Variants in DNAJC3 observed in about 807,000 individuals in gnomAD.
DNAJC3 encodes the protein DnaJ heat shock protein family (Hsp40) member C3, also known as dnaJ homolog subfamily C member 3.
Under a neutral mutation model 68.6 loss-of-function variants are expected in DNAJC3, and 38 were observed. The ratio of observed to expected loss-of-function variants is 0.55; its 90% confidence interval spans 0.43 to 0.73. The LOEUF (loss-of-function observed/expected upper bound fraction) is 0.73. Ranked by LOEUF, DNAJC3 falls within the 30% of genes least tolerant of loss-of-function variation. The probability of loss-of-function intolerance (pLI) is 0.00; values close to 1 mark genes in which losing one functional copy is unlikely to be tolerated. For missense variants in DNAJC3, 526 were observed against 591.9 expected (o/e 0.89, Z 1.16); for synonymous variants, 203 against 204.0 (o/e 1.00, Z 0.04).
At chr13:95,769,977 A>T (rs1394866749) in intron 9 of DNAJC3, among the ~76,000 whole-genome samples, 1 of 152,212 alleles carries the variant, frequency 6.6e-6, no homozygotes, top group East Asian at 1.9e-4. Flanking sequence ...CAGATTTCCA[A>T]ATTATGAAAA....
At chr13:95,707,158 A>G (rs1322767033) in intron 1 of DNAJC3, among the ~76,000 whole-genome samples, 4 of 152,106 alleles carry the variant, frequency 2.6e-5, no homozygotes, top group Non-Finnish European at 5.9e-5. Flanking sequence ...GCAATTGATG[A>G]TAGGGTTTGT....
chr13:95,694,865 C>T (rs1054046618), intron 1 of DNAJC3: 4 of 152,586 alleles, frequency 2.6e-5, no homozygotes, highest in African/African-American at 9.7e-5. Context: ...TGCACGTTGG[C>T]CAAGGTTTAT....
At chr13:95,712,624 C>A (rs1195016515) in intron 2 of DNAJC3, among the ~76,000 whole-genome samples, 1 of 152,012 alleles carries the variant, frequency 6.6e-6, no homozygotes, top group African/African-American at 2.4e-5. Context: ...GTCATCCACC[C>A]GCCTCCCAAA....
At chr13:95,706,682 AACT>A (rs1383288586) in intron 1 of DNAJC3, among the ~76,000 whole-genome samples, 1 of 152,106 alleles carries the variant, frequency 6.6e-6, no homozygotes, top group Non-Finnish European at 1.5e-5. Flanking sequence ...AAGGGGGGAA[AACT>A]ACTTCTGGTA....
intron 4 of DNAJC3, among the ~76,000 whole-genome samples, chr13:95,749,957 G>C (rs995628291): frequency 1.3e-5 from 2 of 152,124 alleles, no homozygotes; most frequent in Non-Finnish European, 2.9e-5. Flanking sequence ...GGCTGAGGCA[G>C]GAGAATTGCT....
intron 9 of DNAJC3, among the ~76,000 whole-genome samples, chr13:95,779,280 T>C (rs552203985): frequency 5.5e-4 from 84 of 151,974 alleles, no homozygotes; most frequent in Middle Eastern, 3.4e-3. Context: ...CCCGCCACCA[T>C]ACCCGGCTAA....
At chr13:95,679,199 C>CTTT (rs3086610) in intron 1 of DNAJC3, among the ~76,000 whole-genome samples, 7,764 of 108,300 alleles carry the variant, frequency 0.072, 515 homozygotes, top group African/African-American at 0.12. Context: ...AAAATCAGCA[C>CTTT]TTTTTTTTTT....
chr13:95,760,045 T>C lies in DNAJC3; in HGVS notation c.552T>C (p.Cys184=), dbSNP rs752188818. The change falls in exon 6 of 12, where the codon TGT becomes TGC. Residue 184 remains cysteine, a synonymous_variant. Coordinates refer to ENST00000602402, the MANE Select transcript of DNAJC3 (RefSeq NM_006260.5). ...IAFLDKILEV[C]VWDAELRELR... ...TAGTTCTTTTGTTCCTCAAGGTTTG[T>C]GTTTGGGATGCAGAACTACGGGAAC... The C allele has an allele frequency of 6.3e-7, 1 of 1,596,160 alleles. No individual in the cohort carries two copies. Among genetic ancestry groups the C allele is most frequent in the South Asian group, 1.1e-5 (1 of 88,480 alleles).
intron 1 of DNAJC3, among the ~76,000 whole-genome samples, chr13:95,683,061 G>C (rs923998271): frequency 6.6e-6 from 1 of 152,176 alleles, no homozygotes; most frequent in Non-Finnish European, 1.5e-5. Flanking sequence ...TATATAGAGA[G>C]AGTGATATTG....
intron 2 of DNAJC3, among the ~76,000 whole-genome samples, chr13:95,715,102 T>A (rs1339695787): frequency 6.6e-6 from 1 of 152,206 alleles, no homozygotes; most frequent in African/African-American, 2.4e-5. Flanking sequence ...TGAATCTGAA[T>A]AACAGGCAGT....
chr13:95,790,940 C>A lies in DNAJC3; in HGVS notation c.1425C>A (p.Gly475=), dbSNP rs3087338. The A allele has an allele frequency of 3.4e-4, 555 of 1,609,982 alleles. No individual in the cohort carries two copies. Among genetic ancestry groups the A allele is most frequent in the Admixed American group, 4.3e-4 (25 of 58,712 alleles). ...LDAESQQGGG[G]NPFHRSWNSW... ...CAGAGAGCCAGCAAGGAGGCGGCGGCAACCCTTTCCACAGAAGCTGGAACT... is the reference window on the plus strand; with the variant it reads ...CAGAGAGCCAGCAAGGAGGCGGCGGAAACCCTTTCCACAGAAGCTGGAACT... The change falls in exon 12 of 12, where the codon GGC becomes GGA. Residue 475 remains glycine (G), a synonymous_variant. Coordinates refer to ENST00000602402, the MANE Select transcript of DNAJC3 (RefSeq NM_006260.5).
chr13:95,679,385 A>G (rs755125091), intron 1 of DNAJC3, among the ~76,000 whole-genome samples: 28 of 152,126 alleles, frequency 1.8e-4, no homozygotes, highest in Non-Finnish European at 2.8e-4. Context: ...TTGCGTTTCT[A>G]GAAAGACCCT....
chr13:95,749,384 A>G (rs1371647802), intron 4 of DNAJC3, among the ~76,000 whole-genome samples: 1 of 152,302 alleles, frequency 6.6e-6, no homozygotes, highest in East Asian at 1.9e-4. Flanking sequence ...AGAGATTCAA[A>G]TGTGTTTTCT....
Position 95,794,714 on chromosome 13 carries a change from A to AC in DNAJC3, c.*3685dup, listed in dbSNP as rs1883908934. ...TGTGTATAGTAACCGGTTTTGTTGC[A>AC]CTTGTCTGTGGCTGAAACACTTACC... On this transcript the variant is annotated 3_prime_UTR_variant, in exon 12 of 12. Transcript: ENST00000602402. The AC allele has an allele frequency of 6.6e-6, 1 of 152,194 alleles. No individual in the cohort carries two copies. 9.4% of individuals were successfully genotyped at this position (152,194 alleles called of 1,614,324 possible).
chr13:95,717,941 A>T (rs1030229329), intron 2 of DNAJC3, among the ~76,000 whole-genome samples: 1 of 152,086 alleles, frequency 6.6e-6, no homozygotes, highest in African/African-American at 2.4e-5. Context: ...ACCATTTACA[A>T]CATCATTTGT....
chr13:95,686,200 A>G (rs1285372942), intron 1 of DNAJC3, among the ~76,000 whole-genome samples: 1 of 152,108 alleles, frequency 6.6e-6, no homozygotes, highest in Non-Finnish European at 1.5e-5. Flanking sequence ...CGACCTTGTG[A>G]GCCACCCGCC....
At chr13:95,722,613 T>TAA (rs533131974) in intron 2 of DNAJC3, among the ~76,000 whole-genome samples, 62 of 139,112 alleles carry the variant, frequency 4.5e-4, no homozygotes, top group African/African-American at 1.3e-3. Flanking sequence ...TACAAAAAAT[T>TAA]AAAAAAAAAA....
intron 1 of DNAJC3, among the ~76,000 whole-genome samples, chr13:95,680,605 G>A (rs1226769325): frequency 1.3e-5 from 2 of 152,194 alleles, no homozygotes; most frequent in African/African-American, 4.8e-5. Flanking sequence ...GTTAGCAGTA[G>A]TATCAAAGTT....
chr13:95,760,376 C>T (rs1267705002), intron 6 of DNAJC3, among the ~76,000 whole-genome samples, 155 bp downstream of exon 6: 3 of 151,988 alleles, frequency 2.0e-5, no homozygotes, highest in African/African-American at 7.3e-5. Flanking sequence ...GTGTTATTCC[C>T]AAGTTACTTT....
Sources: gnomAD v4.1 joint callset for allele counts (sites outside exome capture counted in the v4.1 genomes callset) on GRCh38, gnomAD v4.1.1 for gene constraint, MANE v1.5 for transcripts, NCBI Gene and HGNC (gene_info 2026-07-23, HGNC 2026-07-21) for gene names.